Variants in AGTPBP1 observed in about 807,000 individuals in gnomAD.
AGTPBP1 encodes ATP/GTP binding carboxypeptidase 1.
A neutral mutation model predicts 143.9 loss-of-function variants in AGTPBP1; 70 were observed. The ratio of observed to expected loss-of-function variants is 0.49; its 90% CI spans 0.40 to 0.59. The LOEUF (loss-of-function observed/expected upper bound fraction) is 0.59, where lower values mean the gene tolerates loss of function less well. Among genes scored for constraint, AGTPBP1 ranks in the 20% least tolerant of loss-of-function variants. The probability of loss-of-function intolerance (pLI) is 0.00; values close to 1 mark genes in which losing one functional copy is unlikely to be tolerated. For synonymous variants in AGTPBP1, 463 were observed against 500.2 expected (o/e 0.93, Z 0.99); for missense variants, 1,229 against 1,464.5 (o/e 0.84, Z 2.62).
chr9:85,578,037 G>A (rs2133081340), intron 24 of AGTPBP1, among the ~76,000 whole-genome samples: 1 of 152,274 alleles, frequency 6.6e-6, no homozygotes. Context: ...AATGGAATGA[G>A]CGGAATAATT....
intron 17 of AGTPBP1, among the ~76,000 whole-genome samples, chr9:85,603,832 C>T (rs763249929): frequency 1.3e-5 from 2 of 151,814 alleles, no homozygotes; most frequent in East Asian, 3.9e-4. Flanking sequence ...GAGGGAACAT[C>T]GGCAGGAGCC....
rs972715857 is a variant in AGTPBP1 at position 85,741,770 on chromosome 9, C to G, written c.-34+5G>C. 6.8e-6 allele frequency: 9 copies of G among 1,331,608 alleles called. No individual in the cohort carries two copies. The highest frequency in any genetic ancestry group is 7.7e-6 in the Non-Finnish European group (8 of 1,043,736). The allele number at this position is 1,331,608 out of a possible 1,614,324, so 82.5% of individuals were successfully genotyped here. A position where few individuals can be genotyped will look rare whatever the true frequency, so the allele number is the denominator to read the frequency against. On this transcript the variant is annotated splice_donor_5th_base_variant and intron_variant, in intron 1 of 25. Coordinates refer to ENST00000357081, the MANE Select transcript of AGTPBP1 (RefSeq NM_001330701.2). ...GGGACATGAGGACTGCAGCAGGGCG[C>G]TCACCGGCTCAGGATGGGGCGCTGG...
chr9:85,737,310 A>G (rs1310202265), intron 1 of AGTPBP1, among the ~76,000 whole-genome samples: 1 of 152,170 alleles, frequency 6.6e-6, no homozygotes, highest in Non-Finnish European at 1.5e-5. Context: ...AGCTTGAACT[A>G]GCCTCTTTTT....
At chr9:85,781,780 G>A in the AGTPBP1 span, among the ~76,000 whole-genome samples, 4 of 152,182 alleles carry the variant, frequency 2.6e-5, no homozygotes, top group East Asian at 3.9e-4. Context: ...ATGACCCCTG[G>A]AAATTAAAAA....
chr9:85,803,638 CTTTG>C, the AGTPBP1 span, among the ~76,000 whole-genome samples: 1 of 152,180 alleles, frequency 6.6e-6, no homozygotes, highest in Non-Finnish European at 1.5e-5. Flanking sequence ...AAGATTCTGA[CTTTG>C]TTTTCTTCTT....
intron 1 of AGTPBP1, among the ~76,000 whole-genome samples, chr9:85,720,349 G>C (rs1838022302): frequency 1.3e-5 from 2 of 152,096 alleles, no homozygotes; most frequent in South Asian, 4.1e-4. Context: ...ACCTGTTATT[G>C]GTCTATTCAG....
chr9:85,785,228 G>A, the AGTPBP1 span, among the ~76,000 whole-genome samples: 31 of 152,220 alleles, frequency 2.0e-4, no homozygotes, highest in South Asian at 2.5e-3. Context: ...CAGCTACTCC[G>A]GAGGCTGAGG....
chr9:85,768,041 T>C, the AGTPBP1 span, among the ~76,000 whole-genome samples: 25 of 152,346 alleles, frequency 1.6e-4, no homozygotes, highest in Non-Finnish European at 2.6e-4. Flanking sequence ...GTGGTTTGTA[T>C]TGTGGCAAAT....
chr9:85,583,703 T>C (rs1828427388), intron 23 of AGTPBP1, among the ~76,000 whole-genome samples: 1 of 152,172 alleles, frequency 6.6e-6, no homozygotes, highest in African/African-American at 2.4e-5. Flanking sequence ...CCTTCCCACA[T>C]GTCTGTCTGC....
chr9:85,777,319 G>C, the AGTPBP1 span, among the ~76,000 whole-genome samples: 991 of 152,248 alleles, frequency 6.5e-3, 16 homozygotes, highest in African/African-American at 0.023. Flanking sequence ...CCCTTTCTGT[G>C]ATGGAAGAGG....
chr9:85,664,884 T>C (rs575833397), intron 8 of AGTPBP1, among the ~76,000 whole-genome samples: 68 of 152,104 alleles, frequency 4.5e-4, no homozygotes, highest in African/African-American at 1.6e-3. Flanking sequence ...GAAGCCTTCT[T>C]TGTCAACTTT....
At chr9:85,611,902 G>A (rs902901891) in intron 17 of AGTPBP1, among the ~76,000 whole-genome samples, 31 of 151,954 alleles carry the variant, frequency 2.0e-4, no homozygotes, top group African/African-American at 6.0e-4. Context: ...GGCTGGTCTC[G>A]AACTCCTGAC....
chr9:85,736,570 C>T (rs1351654303), intron 1 of AGTPBP1, among the ~76,000 whole-genome samples: 1 of 152,036 alleles, frequency 6.6e-6, no homozygotes, highest in Non-Finnish European at 1.5e-5. Flanking sequence ...TTACCCAAAG[C>T]GTAAAACAAA....
intron 1 of AGTPBP1, among the ~76,000 whole-genome samples, chr9:85,712,944 C>A (rs1022372850): frequency 1.3e-5 from 2 of 152,190 alleles, no homozygotes; most frequent in Non-Finnish European, 2.9e-5. Context: ...ACTTACTGTA[C>A]ACCATTCACA....
At chr9:85,763,884 T>C in the AGTPBP1 span, among the ~76,000 whole-genome samples, 1 of 152,142 alleles carries the variant, frequency 6.6e-6, no homozygotes, top group Non-Finnish European at 1.5e-5. Context: ...TGGTAGTATA[T>C]ACAAATAATT....
At chr9:85,634,035 T>C (rs1587788607) in intron 13 of AGTPBP1, among the ~76,000 whole-genome samples, 1 of 151,040 alleles carries the variant, frequency 6.6e-6, no homozygotes, top group Admixed American at 6.6e-5. Flanking sequence ...CTACTAAAAC[T>C]ACAAAAATTA....
intron 2 of AGTPBP1, among the ~76,000 whole-genome samples, chr9:85,694,106 T>A (rs1214743791): frequency 6.6e-6 from 1 of 152,168 alleles, no homozygotes; most frequent in Non-Finnish European, 1.5e-5. Flanking sequence ...TGTAGGCCAT[T>A]TTAAGGACTT....
chr9:85,768,429 T>G, the AGTPBP1 span, among the ~76,000 whole-genome samples: 1 of 152,202 alleles, frequency 6.6e-6, no homozygotes, highest in Non-Finnish European at 1.5e-5. Context: ...ATTACATTGT[T>G]TTCCTTCAAC....
intron 3 of AGTPBP1, among the ~76,000 whole-genome samples, chr9:85,691,386 C>A (rs62569240): frequency 7.9e-5 from 12 of 152,082 alleles, no homozygotes; most frequent in African/African-American, 2.9e-4. Context: ...AACATCTTAT[C>A]TGAATGACCT....
Sources: allele counts gnomAD v4.1 joint callset (sites outside exome capture counted in the v4.1 genomes callset), GRCh38; gene constraint gnomAD v4.1.1; transcripts MANE v1.5; gene names NCBI Gene and HGNC (gene_info 2026-07-23, HGNC 2026-07-21).